The following MACROD2 variants were observed in gnomAD, a reference collection of about 807,000 sequenced individuals.
MACROD2 encodes ADP-ribose glycohydrolase MACROD2.
Under a neutral mutation model 70.4 loss-of-function variants are expected in MACROD2, and 36 were observed. The ratio of observed to expected loss-of-function variants is 0.51; its 90% CI spans 0.39 to 0.68. MACROD2 has a LOEUF of 0.68. Ranked by LOEUF, MACROD2 falls within the 30% of genes least tolerant of loss-of-function variation. MACROD2 has a pLI of 0.00. For synonymous variants in MACROD2, 172 were observed against 178.8 expected, an observed-to-expected ratio of 0.96 and a Z score of 0.30; for missense variants, 496 against 538.4, an observed-to-expected ratio of 0.92 and a Z score of 0.78.
chr20:15,843,222 C>T (rs1817310807), intron 8 of MACROD2, among the ~76,000 whole-genome samples: 1 of 152,168 alleles, frequency 6.6e-6, no homozygotes, highest in South Asian at 2.1e-4. Flanking sequence ...TTATCATCAC[C>T]ATTTCCCTAT....
At chr20:14,794,693 T>A (rs1022865143) in intron 5 of MACROD2, among the ~76,000 whole-genome samples, 2 of 152,126 alleles carry the variant, frequency 1.3e-5, no homozygotes, top group Admixed American at 1.3e-4. Flanking sequence ...TATTCAAATA[T>A]CTGTTTGTAG....
chr20:15,007,647 C>T (rs2075050256), intron 5 of MACROD2, among the ~76,000 whole-genome samples: 1 of 152,178 alleles, frequency 6.6e-6, no homozygotes, highest in African/African-American at 2.4e-5. Flanking sequence ...TTAAAAAGGG[C>T]AGGAGGATGA....
intron 5 of MACROD2, among the ~76,000 whole-genome samples, chr20:15,069,954 G>C (rs532975650): frequency 6.6e-6 from 1 of 152,138 alleles, no homozygotes; most frequent in Non-Finnish European, 1.5e-5. Flanking sequence ...CAAGAGAATG[G>C]TAGAGTCACC....
At chr20:15,679,913 TG>T (rs1398214617) in intron 8 of MACROD2, among the ~76,000 whole-genome samples, 2 of 152,226 alleles carry the variant, frequency 1.3e-5, no homozygotes, top group Non-Finnish European at 2.9e-5. Flanking sequence ...CACTGCATTT[TG>T]GGACAATTTA....
chr20:14,777,019 G>A (rs752914299), intron 5 of MACROD2, among the ~76,000 whole-genome samples: 1 of 151,910 alleles, frequency 6.6e-6, no homozygotes, highest in Non-Finnish European at 1.5e-5. Context: ...TTATTGCTAT[G>A]TAATATTCTA....
At chr20:15,584,830 C>T (rs901524310) in intron 8 of MACROD2, among the ~76,000 whole-genome samples, 3 of 152,186 alleles carry the variant, frequency 2.0e-5, no homozygotes, top group Non-Finnish European at 4.4e-5. Context: ...TTCCACTTTC[C>T]TCCTCACCCC....
chr20:14,374,191 C>T (rs1025039250), intron 3 of MACROD2, among the ~76,000 whole-genome samples: 2 of 152,102 alleles, frequency 1.3e-5, no homozygotes, highest in Non-Finnish European at 2.9e-5. Context: ...TTTATTTACA[C>T]TTATAGCTTC....
intron 5 of MACROD2, among the ~76,000 whole-genome samples, chr20:14,707,445 A>G (rs2071282853): frequency 6.6e-6 from 1 of 152,144 alleles, no homozygotes; most frequent in South Asian, 2.1e-4. Context: ...CTGTGTTTCC[A>G]TAAGCAGAGA....
chr20:15,690,683 T>C (rs903919945), intron 8 of MACROD2, among the ~76,000 whole-genome samples: 19 of 152,320 alleles, frequency 1.2e-4, no homozygotes, highest in African/African-American at 4.1e-4. Context: ...TTCCCTAGTA[T>C]AATGTCTCCC....
intron 8 of MACROD2, among the ~76,000 whole-genome samples, chr20:15,661,076 C>T (rs2049815351): frequency 6.6e-6 from 1 of 152,094 alleles, no homozygotes; most frequent in Admixed American, 6.6e-5. Context: ...TCACTGTTTT[C>T]AAGGGTTTAA....
intron 5 of MACROD2, among the ~76,000 whole-genome samples, chr20:14,911,040 C>T (rs958102789): frequency 3.3e-5 from 5 of 152,068 alleles, no homozygotes; most frequent in African/African-American, 1.2e-4. Context: ...TATTTAGGAA[C>T]AAAAAAGCAT....
At chr20:15,509,545 G>A (rs1484336997) in intron 8 of MACROD2, among the ~76,000 whole-genome samples, 3 of 152,172 alleles carry the variant, frequency 2.0e-5, no homozygotes, top group Non-Finnish European at 2.9e-5. Context: ...GAAGTTCCAA[G>A]CCTGCAGGAA....
chr20:14,969,395 CACACACAT>C (rs1185011118), intron 5 of MACROD2, among the ~76,000 whole-genome samples: 70 of 145,988 alleles, frequency 4.8e-4, no homozygotes, highest in South Asian at 1.3e-3. Context: ...CACACACACA[CACACACAT>C]ATATAAGCAT....
chr20:15,666,019 G>A (rs1281171935), intron 8 of MACROD2, among the ~76,000 whole-genome samples: 1 of 151,946 alleles, frequency 6.6e-6, no homozygotes, highest in Non-Finnish European at 1.5e-5. Flanking sequence ...TAAATTAAAA[G>A]AGTATAAAGA....
At chr20:14,700,324 C>T (rs528783491) in intron 5 of MACROD2, among the ~76,000 whole-genome samples, 3 of 150,216 alleles carry the variant, frequency 2.0e-5, no homozygotes, top group Admixed American at 1.4e-4. Context: ...TGTAGCATTA[C>T]ATTTCATGAT....
intron 2 of MACROD2, among the ~76,000 whole-genome samples, chr20:14,057,890 A>C (rs570212331): frequency 9.6e-4 from 146 of 152,366 alleles, no homozygotes; most frequent in Admixed American, 2.2e-3. Flanking sequence ...GATAAATTAC[A>C]TGAACCGATG....
intron 6 of MACROD2, among the ~76,000 whole-genome samples, chr20:15,414,169 T>C (rs2046116059): frequency 6.6e-6 from 1 of 152,136 alleles, no homozygotes; most frequent in Non-Finnish European, 1.5e-5. Flanking sequence ...CATAGGACAC[T>C]TTACTGATAT....
At chr20:14,414,229 C>T (rs2083779347) in intron 3 of MACROD2, among the ~76,000 whole-genome samples, 1 of 152,116 alleles carries the variant, frequency 6.6e-6, no homozygotes, top group South Asian at 2.1e-4. Flanking sequence ...TCTTCTGGCC[C>T]CCTGACCTGC....
At chr20:14,103,489 A>C (rs1367185782) in intron 3 of MACROD2, among the ~76,000 whole-genome samples, 1 of 152,230 alleles carries the variant, frequency 6.6e-6, no homozygotes, top group Non-Finnish European at 1.5e-5. Flanking sequence ...TTTTTTAAAA[A>C]AGAGAACAGT....
Sources: gnomAD v4.1 joint callset for allele counts (sites outside exome capture counted in the v4.1 genomes callset) on GRCh38, gnomAD v4.1.1 for gene constraint, MANE v1.5 for transcripts, NCBI Gene and HGNC (gene_info 2026-07-23, HGNC 2026-07-21) for gene names.